RIMS1: variants seen among roughly 807,000 people sequenced by gnomAD.
The protein encoded by RIMS1 is regulating synaptic membrane exocytosis protein 1.
In RIMS1, 83 loss-of-function variants were observed where a neutral mutation model predicts 214.1. That is an observed-to-expected ratio of 0.39 (90% confidence interval 0.32 to 0.47). The LOEUF is 0.47. Ranked by LOEUF, RIMS1 falls within the 20% of genes least tolerant of loss-of-function variation. The pLI, the probability that RIMS1 is intolerant of heterozygous loss-of-function variation, is 0.99. For missense variants in RIMS1, 2,050 were observed against 2,161.8 expected (o/e 0.95, Z 1.03); for synonymous variants, 793 against 786.8 (o/e 1.01, Z -0.13).
At chr6:72,229,672 C>T (rs1431338942) in intron 6 of RIMS1, among the ~76,000 whole-genome samples, 1 of 151,700 alleles carries the variant, frequency 6.6e-6, no homozygotes, top group Non-Finnish European at 1.5e-5. Flanking sequence ...CTTAAATAGA[C>T]TTCTAAAATA....
intron 4 of RIMS1, among the ~76,000 whole-genome samples, chr6:72,111,611 T>C (rs2036103127): frequency 6.6e-6 from 1 of 152,312 alleles, no homozygotes; most frequent in South Asian, 2.1e-4. Context: ...TGGACTTTTA[T>C]ATTGATCTTC....
intron 29 of RIMS1, among the ~76,000 whole-genome samples, chr6:72,379,501 G>A (rs746958075): frequency 9.9e-5 from 15 of 152,164 alleles, no homozygotes; most frequent in Non-Finnish European, 1.5e-4. Flanking sequence ...TTAATTTTAC[G>A]GCATTCTAAA....
intron 26 of RIMS1, among the ~76,000 whole-genome samples, chr6:72,297,897 T>G (rs933975744): frequency 1.3e-5 from 2 of 152,014 alleles, no homozygotes; most frequent in Non-Finnish European, 2.9e-5. Flanking sequence ...AAATCCTACT[T>G]CTGTGAGCTG....
intron 2 of RIMS1, among the ~76,000 whole-genome samples, chr6:72,073,371 G>C (rs1831032034): frequency 6.6e-6 from 1 of 152,094 alleles, no homozygotes; most frequent in South Asian, 2.1e-4. Flanking sequence ...ACAAATACTT[G>C]AAGGTTAAAA....
intron 28 of RIMS1, among the ~76,000 whole-genome samples, chr6:72,327,371 A>G (rs2096512011): frequency 6.6e-6 from 1 of 151,704 alleles, no homozygotes; most frequent in African/African-American, 2.4e-5. Context: ...GGTTGATAAT[A>G]TTTCATTGTA....
rs1217158269 is a variant in RIMS1, at chr6:72,196,535, C to T, written c.1678+13386C>T. On this transcript the variant is annotated intron_variant, in intron 6 of 33. Coordinates refer to ENST00000521978, the MANE Select transcript of RIMS1 (RefSeq NM_014989.7). ...ACCTTAAAACAATTACAACTTAACC[C>T]ATTTCCCGTTTGCCCTAAAAGTACT... Among the ~76,000 whole-genome samples, 3 of 146,476 alleles carry T rather than the reference C, an allele frequency of 2.0e-5. No individual in the cohort carries two copies. In the East Asian group the frequency reaches 6.0e-4, roughly 29 times the overall value.
Position 72,119,554 on chromosome 6 carries a change from A to G in RIMS1, c.471+19568A>G, listed in dbSNP as rs2037791960. ...ATCACATTACCCAACTTCAAATTATACTACAAGGCTATAGTTACTAAAACA... is the reference window on the plus strand; with the variant it reads ...ATCACATTACCCAACTTCAAATTATGCTACAAGGCTATAGTTACTAAAACA... On this transcript the variant is annotated intron_variant, in intron 4 of 33. Coordinates refer to ENST00000521978, the MANE Select transcript of RIMS1 (RefSeq NM_014989.7). Among the ~76,000 whole-genome samples, 2 of 151,868 alleles carry G rather than the reference A, an allele frequency of 1.3e-5. 1 individual carries two copies. Among genetic ancestry groups the G allele is most frequent in the Non-Finnish European group, 2.9e-5 (2 of 67,852 alleles).
intron 22 of RIMS1, among the ~76,000 whole-genome samples, chr6:72,273,945 A>G (rs1215902308): frequency 2.6e-5 from 4 of 152,150 alleles, no homozygotes; most frequent in Admixed American, 6.6e-5. Flanking sequence ...GTATCACAAA[A>G]TCATTGGTAG....
chr6:72,348,506 CA>C (rs2097342004), intron 29 of RIMS1, among the ~76,000 whole-genome samples: 1 of 151,888 alleles, frequency 6.6e-6, no homozygotes, highest in South Asian at 2.1e-4. Context: ...TAGATTTAAC[CA>C]GTTAATTCTA....
chr6:72,302,199 T>C (rs896188576), intron 26 of RIMS1, among the ~76,000 whole-genome samples: 1 of 151,532 alleles, frequency 6.6e-6, no homozygotes, highest in African/African-American at 2.4e-5. Flanking sequence ...CTATGCCTAG[T>C]AATTCCCATT....
In RIMS1 at chr6:72,097,114, T is replaced by C. The variant is rs1363307898; in HGVS notation, c.411T>C (p.Thr137=). The change falls in exon 3 of 34, where the codon ACT becomes ACC. Residue 137 remains threonine (T), a synonymous_variant. Coordinates refer to ENST00000521978, the MANE Select transcript of RIMS1 (RefSeq NM_014989.7). ...GTCATCTCTGCTCCTATTGTCGCAC[T>C]AAGTTCTGTGCGCGCTGCGGAGGCC... ...GCGHLCSYCR[T]KFCARCGGRV... 6.2e-7 allele frequency: 1 copy of C among 1,614,026 alleles called. No individual in the cohort carries two copies. The highest frequency in any genetic ancestry group is 8.5e-7 in the Non-Finnish European group (1 of 1,179,886).
intron 2 of RIMS1, among the ~76,000 whole-genome samples, chr6:72,049,691 G>T (rs748022500): frequency 1.3e-5 from 2 of 152,126 alleles, no homozygotes; most frequent in African/African-American, 4.8e-5. Flanking sequence ...GTAGACATAC[G>T]GCTTTCATTT....
In RIMS1 at chr6:72,290,740, G is replaced by T. The variant is rs1461343739; in HGVS notation, c.3616G>T (p.Val1206Phe). ...HAAPRATDQP[V>F]IRGKHPARSR... ...AGCCCCAAGAGCAACTGATCAGCCA[G>T]TCATTAGGGGAAAACATCCTGCTCG... The change falls in exon 25 of 34, where the codon GTC becomes TTC. Residue 1206 changes from valine (V) to phenylalanine (F), a missense_variant. Physicochemically the swap from Val to Phe is conservative, Grantham distance 50 (BLOSUM62 -1). This residue lies in a region of RIMS1 where 889 missense variants were observed against 885.5 expected (regional missense o/e 1.00). Transcript: ENST00000521978. The T allele has an allele frequency of 1.9e-6, 3 of 1,613,724 alleles. No individual in the cohort carries two copies. The highest frequency in any genetic ancestry group is 2.5e-6 in the Non-Finnish European group (3 of 1,179,798).
At chr6:72,370,732 C>A (rs2098190125) in intron 29 of RIMS1, among the ~76,000 whole-genome samples, 2 of 151,950 alleles carry the variant, frequency 1.3e-5, no homozygotes, top group South Asian at 4.1e-4. Context: ...AGAAAGCAGA[C>A]ATAAATATTT....
chr6:71,920,616 A>G (rs1041835363), intron 1 of RIMS1, among the ~76,000 whole-genome samples: 6 of 152,208 alleles, frequency 3.9e-5, no homozygotes, highest in African/African-American at 1.2e-4. Context: ...AACTCATTCC[A>G]TCAATGTTTT....
At chr6:72,227,708 T>C (rs111510452) in intron 6 of RIMS1, among the ~76,000 whole-genome samples, 4,529 of 152,082 alleles carry the variant, frequency 0.03, 202 homozygotes, top group African/African-American at 0.1. Context: ...CAAACAAATA[T>C]TTAATCACTC....
At chr6:72,340,521 G>A (rs1739834813) in intron 29 of RIMS1, among the ~76,000 whole-genome samples, 2 of 152,014 alleles carry the variant, frequency 1.3e-5, no homozygotes, top group Non-Finnish European at 2.9e-5. Flanking sequence ...AGTTTTCCCA[G>A]CACCATTTAT....
At chr6:72,135,587 T>A (rs185462772) in intron 4 of RIMS1, among the ~76,000 whole-genome samples, 50 of 152,208 alleles carry the variant, frequency 3.3e-4, no homozygotes, top group Middle Eastern at 3.4e-3. Context: ...TGTCAGGGTA[T>A]GAGGGAATAG....
At chr6:72,343,309 T>G (rs2097155640) in intron 29 of RIMS1, among the ~76,000 whole-genome samples, 1 of 151,680 alleles carries the variant, frequency 6.6e-6, no homozygotes, top group African/African-American at 2.4e-5. Context: ...TTAAGCCCAT[T>G]TAATGATTCA....
Sources: gnomAD v4.1 joint callset for allele counts (sites outside exome capture counted in the v4.1 genomes callset) on GRCh38, gnomAD v4.1.1 for gene constraint, gnomAD v4.1.1 regional missense constraint, MANE v1.5 for transcripts, NCBI Gene and HGNC (gene_info 2026-07-23, HGNC 2026-07-21) for gene names.